Variants in ACSS3 observed in about 807,000 individuals in gnomAD.
The protein encoded by ACSS3 is acyl-CoA synthetase short-chain family member 3, mitochondrial.
ACSS3 carries 64 observed loss-of-function variants against 84.2 expected under a neutral mutation model. That is an observed-to-expected ratio of 0.76 (90% CI 0.62 to 0.94). The LOEUF is 0.94. ACSS3 is among the 40% of genes least tolerant of loss of function. The probability of loss-of-function intolerance (pLI) is 0.00; values close to 1 mark genes in which losing one functional copy is unlikely to be tolerated. For synonymous variants in ACSS3, 317 were observed against 310.1 expected, an observed-to-expected ratio of 1.02 and a Z score of -0.23; for missense variants, 815 against 867.6, an observed-to-expected ratio of 0.94 and a Z score of 0.76.
chr12:81,102,560 C>T lies in ACSS3; in HGVS notation c.312-7000C>T, dbSNP rs141921926. Among the ~76,000 whole-genome samples, 465 of 152,158 alleles carry T rather than the reference C, an allele frequency of 3.1e-3. 3 individuals carry two copies. The highest frequency in any genetic ancestry group is 0.016 in the South Asian group (78 of 4,812). On this transcript the variant is annotated intron_variant, in intron 1 of 15. Coordinates refer to ENST00000548058, the MANE Select transcript of ACSS3 (RefSeq NM_024560.4). Reference sequence around the variant, plus strand: ...AAGATTGGCCACGTGCAGTGGCTCACGCCTGTAATACCACCATTTTGGGAG... The same window carrying T: ...AAGATTGGCCACGTGCAGTGGCTCATGCCTGTAATACCACCATTTTGGGAG...
intron 7 of ACSS3, among the ~76,000 whole-genome samples, chr12:81,163,225 A>G (rs1887240247): frequency 6.6e-6 from 1 of 152,188 alleles, no homozygotes; most frequent in East Asian, 1.9e-4. Flanking sequence ...ACGTTTCAAA[A>G]ATATTATTTT....
intron 1 of ACSS3, among the ~76,000 whole-genome samples, chr12:81,097,700 G>T (rs974804885): frequency 5.3e-5 from 8 of 152,204 alleles, no homozygotes; most frequent in African/African-American, 1.9e-4. Context: ...ATTGTCTGAT[G>T]TGGTTATTGA....
At chr12:81,138,626 A>G (rs1347933752) in intron 3 of ACSS3, among the ~76,000 whole-genome samples, 5 of 152,198 alleles carry the variant, frequency 3.3e-5, no homozygotes, top group Non-Finnish European at 5.9e-5. Context: ...ATATAATGTA[A>G]TATTTGGTGA....
intron 7 of ACSS3, among the ~76,000 whole-genome samples, chr12:81,173,694 A>G (rs2030252876): frequency 6.6e-6 from 1 of 152,082 alleles, no homozygotes. Flanking sequence ...GACATTGTTG[A>G]GTTTGCTACT....
rs543852468 is a variant in ACSS3, at chr12:81,257,702, T to C, written c.*2780T>C. 1.3e-5 allele frequency: 2 copies of C among 152,268 alleles called. No individual in the cohort carries two copies. Among genetic ancestry groups the C allele is most frequent in the African/African-American group, 4.8e-5 (2 of 41,574 alleles). The allele number at this position is 152,268 out of a possible 1,614,324, so 9.4% of individuals were successfully genotyped here. A position where few individuals can be genotyped will look rare whatever the true frequency, so the allele number is the denominator to read the frequency against. On this transcript the variant is annotated 3_prime_UTR_variant, in exon 16 of 16. Transcript: ENST00000548058. ...ATATAAAATTGTATTTGAAAGGTCC[T>C]GAACATTAAAAATGTGAAAATTTAT...
chr12:81,170,515 T>G (rs1311778580), intron 7 of ACSS3, among the ~76,000 whole-genome samples: 1 of 152,142 alleles, frequency 6.6e-6, no homozygotes, highest in Non-Finnish European at 1.5e-5. Context: ...TAGACATCCC[T>G]TTCTGCCTTT....
chr12:81,248,931 T>C (rs1450101957), intron 13 of ACSS3, among the ~76,000 whole-genome samples: 1 of 152,002 alleles, frequency 6.6e-6, no homozygotes, highest in Middle Eastern at 3.2e-3. Context: ...TTAAAATTAT[T>C]ACACCAAAAA....
chr12:81,134,315 A>G (rs1292991057), intron 2 of ACSS3, among the ~76,000 whole-genome samples: 2 of 152,002 alleles, frequency 1.3e-5, no homozygotes, highest in Admixed American at 1.3e-4. Flanking sequence ...AATTTGTCTT[A>G]TTTGCTTTAT....
At chr12:81,216,811 A>G in intron 9 of ACSS3, 90 bp from the exon 10 acceptor site, 1 of 1,048,006 alleles carries the variant, frequency 9.5e-7, no homozygotes, top group Non-Finnish European at 1.5e-6. Flanking sequence ...TTGTATGACA[A>G]ACTAGGGTGG....
chr12:81,220,048 G>T lies in ACSS3; in HGVS notation c.1486G>T (p.Ala496Ser). 6.5e-7 allele frequency: 1 copy of T among 1,540,664 alleles called. No homozygotes were observed. Among genetic ancestry groups the T allele is most frequent in the Non-Finnish European group, 8.7e-7 (1 of 1,143,236 alleles). The change falls in exon 11 of 16, where the codon GCT (alanine) becomes TCT (serine). Residue 496 changes from alanine (A) to serine (S), a missense_variant. Physicochemically the swap from Ala to Ser is moderately conservative, Grantham distance 99. Transcript: ENST00000548058. ...GGATGACAACATGCAAAAACTGAAG[G>T]CTCGGTGTTTAGGAAATATTGTGGT... ...ILDDNMQKLK[A>S]RCLGNIVVKL... is the part of the protein sequence containing the mutation.
rs138769351 is a variant in ACSS3 at position 81,204,133 on chromosome 12, T to A, written c.1354+4689T>A. Among the ~76,000 whole-genome samples the A allele has an allele frequency of 2.1e-3, 319 of 151,580 alleles. 1 individual carries two copies. The highest frequency in any genetic ancestry group is 7.0e-3 in the African/African-American group (290 of 41,330). ...CAGTGCATGGTGGCCTTCGTGGGAT[T>A]TTTTTTTTCTTGTGATTTAAGATCA... On this transcript the variant is annotated intron_variant, in intron 9 of 15. Coordinates refer to ENST00000548058, the MANE Select transcript of ACSS3 (RefSeq NM_024560.4).
chr12:81,147,966 T>C (rs1184880767), intron 5 of ACSS3, among the ~76,000 whole-genome samples: 1 of 151,968 alleles, frequency 6.6e-6, no homozygotes, highest in Non-Finnish European at 1.5e-5. Context: ...GATACATGCA[T>C]ATGTTTACAT....
intron 3 of ACSS3, among the ~76,000 whole-genome samples, chr12:81,137,321 T>TCACACACACA (rs57701806): frequency 9.0e-4 from 128 of 141,818 alleles, no homozygotes; most frequent in African/African-American, 2.5e-3. Flanking sequence ...TTTTCATCCA[T>TCACACACACA]CACACACACA....
At chr12:81,236,250 T>C (rs1346318367) in intron 13 of ACSS3, among the ~76,000 whole-genome samples, 2 of 151,566 alleles carry the variant, frequency 1.3e-5, no homozygotes, top group Admixed American at 6.6e-5. Flanking sequence ...CAATGTTACG[T>C]GAATTACATT....
intron 7 of ACSS3, among the ~76,000 whole-genome samples, chr12:81,166,423 T>C (rs1887405763): frequency 6.6e-6 from 1 of 152,146 alleles, no homozygotes; most frequent in Non-Finnish European, 1.5e-5. Flanking sequence ...TTGTATGACA[T>C]TGTGAAGTAA....
chr12:81,100,263 C>T (rs901170193), intron 1 of ACSS3, among the ~76,000 whole-genome samples: 2 of 135,862 alleles, frequency 1.5e-5, no homozygotes, highest in African/African-American at 5.5e-5. Flanking sequence ...GCCATGTTGC[C>T]CAGGCTGGAG....
chr12:81,204,480 G>T (rs1158213153), intron 9 of ACSS3, among the ~76,000 whole-genome samples: 2 of 150,112 alleles, frequency 1.3e-5, no homozygotes, highest in Non-Finnish European at 3.0e-5. Context: ...ATAAGATATG[G>T]TATTGGTTTA....
intron 11 of ACSS3, among the ~76,000 whole-genome samples, chr12:81,228,427 T>C (rs1338538994): frequency 1.3e-5 from 2 of 151,814 alleles, no homozygotes; most frequent in Non-Finnish European, 2.9e-5. Context: ...ATTTAAAGTT[T>C]TGTGCAACAG....
intron 1 of ACSS3, among the ~76,000 whole-genome samples, chr12:81,107,444 A>G (rs1042547675): frequency 2.7e-5 from 4 of 146,106 alleles, no homozygotes; most frequent in African/African-American, 7.5e-5. Flanking sequence ...GATATTATCA[A>G]GAAATATTCT....
Sources: allele counts gnomAD v4.1 joint callset (sites outside exome capture counted in the v4.1 genomes callset), GRCh38; gene constraint gnomAD v4.1.1; transcripts MANE v1.5; gene names NCBI Gene and HGNC (gene_info 2026-07-23, HGNC 2026-07-21).